BABAM2: variants seen among roughly 807,000 people sequenced by gnomAD.
BABAM2 encodes the protein BRISC and BRCA1 A complex member 2, also known as BRISC and BRCA1-A complex member 2.
BABAM2 carries 31 observed loss-of-function variants against 54.7 expected under a neutral mutation model. The observed-to-expected ratio is 0.57, with a 90% confidence interval of 0.43 to 0.77. The LOEUF is 0.77. BABAM2 is among the 30% of genes least tolerant of loss of function. BABAM2 has a pLI of 0.00. For synonymous variants in BABAM2, 167 were observed against 162.9 expected, an observed-to-expected ratio of 1.03 and a Z score of -0.19; for missense variants, 364 against 455.8, an observed-to-expected ratio of 0.80 and a Z score of 1.83.
intron 7 of BABAM2, among the ~76,000 whole-genome samples, chr2:28,145,259 T>C (rs1671393474): frequency 6.6e-6 from 1 of 152,202 alleles, no homozygotes. Context: ...TATCTGTAAA[T>C]ACGCATCTCT....
Position 28,283,276 on chromosome 2 carries a change from C to T in BABAM2, c.935-15062C>T, listed in dbSNP as rs77687373. On this transcript the variant is annotated intron_variant, in intron 10 of 11. Coordinates refer to ENST00000379624, the MANE Select transcript of BABAM2 (RefSeq NM_199191.3). ...AGTTCACCACTCTATAGCGTAATCTCATTTGTAAAACGGAGAGTTGATTTC... is the reference window on the plus strand; with the variant it reads ...AGTTCACCACTCTATAGCGTAATCTTATTTGTAAAACGGAGAGTTGATTTC... Among the ~76,000 whole-genome samples the T allele has an allele frequency of 7.1e-3, 1,079 of 152,294 alleles. 8 individuals are homozygous for T. Among genetic ancestry groups the T allele is most frequent in the African/African-American group, 0.025 (1,022 of 41,556 alleles).
At chr2:28,144,665 C>T (rs12329108) in intron 7 of BABAM2, among the ~76,000 whole-genome samples, 14,886 of 152,190 alleles carry the variant, frequency 0.098, 1,257 homozygotes, top group African/African-American at 0.23. Flanking sequence ...GGCAGTGATA[C>T]GCTGGCCAGG....
At chr2:27,941,876 T>G (rs927820006) in intron 3 of BABAM2, among the ~76,000 whole-genome samples, 1 of 152,188 alleles carries the variant, frequency 6.6e-6, no homozygotes, top group Non-Finnish European at 1.5e-5. Context: ...GTTACTTAAA[T>G]GGAATGTACC....
intron 3 of BABAM2, among the ~76,000 whole-genome samples, chr2:27,981,184 A>G (rs1317537030): frequency 6.6e-6 from 1 of 152,148 alleles, no homozygotes; most frequent in Non-Finnish European, 1.5e-5. Flanking sequence ...GGCTCATTGC[A>G]GAGTTCTTTT....
chr2:28,112,255 T>C (rs934738171), intron 6 of BABAM2, among the ~76,000 whole-genome samples: 3 of 135,976 alleles, frequency 2.2e-5, no homozygotes, highest in Non-Finnish European at 1.6e-5. Context: ...ATGTGCAGAA[T>C]GTGCAGGTTT....
intron 7 of BABAM2, among the ~76,000 whole-genome samples, chr2:28,178,223 A>G (rs998436013): frequency 6.6e-6 from 1 of 152,174 alleles, no homozygotes; most frequent in African/African-American, 2.4e-5. Flanking sequence ...CACATGGAAC[A>G]TTTTCCAGGA....
chr2:28,335,025 A>G (rs1203964404), intron 11 of BABAM2, among the ~76,000 whole-genome samples: 1 of 152,154 alleles, frequency 6.6e-6, no homozygotes, highest in Non-Finnish European at 1.5e-5. Context: ...TCACAAGTGG[A>G]TGGAAGAGGG....
chr2:28,144,767 C>T (rs996966961), intron 7 of BABAM2, among the ~76,000 whole-genome samples: 7 of 152,194 alleles, frequency 4.6e-5, no homozygotes, highest in African/African-American at 1.7e-4. Context: ...TCAGTGTGCA[C>T]AATAGACCTT....
intron 7 of BABAM2, among the ~76,000 whole-genome samples, chr2:28,211,570 G>A (rs1024083543): frequency 6.6e-6 from 1 of 151,680 alleles, no homozygotes; most frequent in African/African-American, 2.4e-5. Context: ...TGTATTTTTA[G>A]TAGAGACAGG....
intron 7 of BABAM2, among the ~76,000 whole-genome samples, chr2:28,137,116 G>GA (rs894239434): frequency 3.3e-5 from 5 of 151,666 alleles, no homozygotes; most frequent in African/African-American, 1.2e-4. Context: ...TTCTTGCCTT[G>GA]AAAAAAAATC....
At chr2:28,119,883 T>C (rs1215820788) in intron 6 of BABAM2, among the ~76,000 whole-genome samples, 2 of 152,184 alleles carry the variant, frequency 1.3e-5, no homozygotes, top group Non-Finnish European at 2.9e-5. Context: ...ATTGCAGTTA[T>C]CCTTTCCTGA....
At chr2:28,315,661 T>A (rs140846171) in intron 11 of BABAM2, among the ~76,000 whole-genome samples, 2,794 of 149,942 alleles carry the variant, frequency 0.019, 89 homozygotes, top group African/African-American at 0.064. Context: ...TTATTTATTT[T>A]TTATTTTTTT....
rs1673854959 is a variant in BABAM2, at chr2:28,167,702, AAATAAAT to A, written c.680+38325_680+38331del. Among the ~76,000 whole-genome samples the A allele has an allele frequency of 1.1e-3, 37 of 34,520 alleles. No individual in the cohort carries two copies. In the East Asian group the frequency reaches 0.012, roughly 11 times the overall value. 22.6% of individuals were successfully genotyped at this position (34,520 alleles called of 152,430 possible). ...GAGCGAGACTCCATCTCAAAAAAATAAATAAATAAATAAATAAATAAATAAATAAATA... is the reference window on the plus strand; with the variant it reads ...GAGCGAGACTCCATCTCAAAAAAATAAAATAAATAAATAAATAAATAAATA... On this transcript the variant is annotated intron_variant, in intron 7 of 11. Transcript: ENST00000379624.
chr2:28,277,169 G>A (rs879890565), intron 10 of BABAM2, among the ~76,000 whole-genome samples: 6 of 152,066 alleles, frequency 3.9e-5, no homozygotes, highest in Non-Finnish European at 8.8e-5. Flanking sequence ...GCAGTGGGGC[G>A]ACCTCGGCTC....
intron 7 of BABAM2, among the ~76,000 whole-genome samples, chr2:28,220,720 G>A (rs1680323837): frequency 6.6e-6 from 1 of 152,188 alleles, no homozygotes; most frequent in African/African-American, 2.4e-5. Context: ...CTTAATCCCA[G>A]GAGTTTGAGA....
At chr2:28,092,621 C>T (rs894109166) in intron 6 of BABAM2, among the ~76,000 whole-genome samples, 2 of 152,014 alleles carry the variant, frequency 1.3e-5, no homozygotes, top group African/African-American at 4.8e-5. Context: ...TCTTTACAGC[C>T]CCCCAGGATG....
At chr2:28,210,768 A>G (rs150189912) in intron 7 of BABAM2, among the ~76,000 whole-genome samples, 2 of 152,310 alleles carry the variant, frequency 1.3e-5, no homozygotes, top group East Asian at 3.9e-4. Context: ...GCTGTCATGA[A>G]ATACTTTTGG....
chr2:28,233,778 C>T (rs1410229682), intron 7 of BABAM2, among the ~76,000 whole-genome samples: 1 of 152,230 alleles, frequency 6.6e-6, no homozygotes, highest in African/African-American at 2.4e-5. Flanking sequence ...CAGAATCAGA[C>T]CTGCCAGAGT....
intron 4 of BABAM2, among the ~76,000 whole-genome samples, chr2:27,993,050 A>T (rs1028536486): frequency 6.6e-6 from 1 of 152,016 alleles, no homozygotes; most frequent in African/African-American, 2.4e-5. Flanking sequence ...TCATCATTTG[A>T]TGATTTTTGG....
Sources: gnomAD v4.1 joint callset for allele counts (sites outside exome capture counted in the v4.1 genomes callset) on GRCh38, gnomAD v4.1.1 for gene constraint, MANE v1.5 for transcripts, NCBI Gene and HGNC (gene_info 2026-07-23, HGNC 2026-07-21) for gene names.